Variants in IL21R observed in about 807,000 individuals in gnomAD.
IL21R encodes interleukin-21 receptor.
Under a neutral mutation model 41.3 loss-of-function variants are expected in IL21R, and 14 were observed. That is an observed-to-expected ratio of 0.34 (90% CI 0.22 to 0.53). The LOEUF (loss-of-function observed/expected upper bound fraction) is 0.53. Ranked by LOEUF, IL21R falls within the 20% of genes least tolerant of loss-of-function variation. IL21R has a pLI of 0.94. For synonymous variants in IL21R, 286 were observed against 287.6 expected, an observed-to-expected ratio of 0.99 and a Z score of 0.05; for missense variants, 588 against 681.6, an observed-to-expected ratio of 0.86 and a Z score of 1.53.
rs1203080644 is a variant in IL21R, at chr16:27,450,254, C to T, written c.*971C>T. 1.3e-5 allele frequency: 3 copies of T among 232,628 alleles called. No individual in the cohort carries two copies. Among genetic ancestry groups the T allele is most frequent in the African/African-American group, 2.2e-5 (1 of 45,310 alleles). 14.4% of individuals were successfully genotyped at this position (232,628 alleles called of 1,614,324 possible). A position where few individuals can be genotyped will look rare whatever the true frequency, so the allele number is the denominator to read the frequency against. The stretch of plus-strand genomic sequence containing the variant: ...CAACCAAGATTTCTTTTTCTAACTT[C>T]TGCTACTAAGTTTTTAAAAATTCCC... On this transcript the variant is annotated 3_prime_UTR_variant, in exon 9 of 9. Transcript: ENST00000337929.
intron 4 of IL21R, among the ~76,000 whole-genome samples, chr16:27,437,895 C>T (rs1367936629): frequency 1.3e-5 from 2 of 152,152 alleles, no homozygotes; most frequent in Non-Finnish European, 2.9e-5. Context: ...AACTCCTGGG[C>T]TCCAGCGATC....
chr16:27,405,743 G>T (rs540036410), intron 1 of IL21R, among the ~76,000 whole-genome samples: 144 of 152,254 alleles, frequency 9.5e-4, no homozygotes, highest in Non-Finnish European at 1.7e-3. Flanking sequence ...CCCTGCCCTG[G>T]CCCCAGGCCA....
At chr16:27,442,800 C>T in intron 4 of IL21R, 162 bp from the exon 5 acceptor site, 1 of 587,768 alleles carries the variant, frequency 1.7e-6, no homozygotes, top group Non-Finnish European at 3.0e-6. Context: ...GTTGGGAGTA[C>T]TTTGCCCAAA....
chr16:27,410,436 T>C (rs2086807810), intron 1 of IL21R, among the ~76,000 whole-genome samples: 1 of 152,226 alleles, frequency 6.6e-6, no homozygotes, highest in African/African-American at 2.4e-5. Context: ...TTCTTGACTG[T>C]TTGTAGTGTA....
At chr16:27,409,002 G>A (rs962444333) in intron 1 of IL21R, among the ~76,000 whole-genome samples, 4 of 151,964 alleles carry the variant, frequency 2.6e-5, no homozygotes, top group Admixed American at 2.0e-4. Flanking sequence ...TTTCTCTTTG[G>A]TTATATAACT....
Position 27,437,604 on chromosome 16 carries a change from C to CCGA in IL21R, c.274_276dup (p.Asp92dup). The CCGA allele has an allele frequency of 6.2e-7, 1 of 1,614,210 alleles. No individual in the cohort carries two copies. On this transcript the variant is annotated inframe_insertion, in exon 4 of 9. Transcript: ENST00000337929. The stretch of plus-strand genomic sequence containing the variant: ...CACATGGATGTATTCCACTTCATGG[C>CCGA]CGACGACATTTTCAGTGTCAACATC...
intron 1 of IL21R, among the ~76,000 whole-genome samples, chr16:27,415,977 T>G (rs2086890089): frequency 6.6e-6 from 1 of 152,234 alleles, no homozygotes; most frequent in Admixed American, 6.5e-5. Flanking sequence ...TGAAGTCCTC[T>G]TGTACAATTT....
intron 3 of IL21R, among the ~76,000 whole-genome samples, chr16:27,435,844 C>T (rs2087260219): frequency 6.6e-6 from 1 of 152,118 alleles, no homozygotes; most frequent in Non-Finnish European, 1.5e-5. Flanking sequence ...TCTCGGCTCA[C>T]TGCAACCTCC....
chr16:27,416,458 C>A (rs1243668675), intron 1 of IL21R, among the ~76,000 whole-genome samples: 1 of 152,100 alleles, frequency 6.6e-6, no homozygotes, highest in Non-Finnish European at 1.5e-5. Context: ...ATTTAGAGTA[C>A]TTTCTGTTGC....
In IL21R at chr16:27,437,707, A is replaced by G; in HGVS notation, c.352+20A>G. The G allele has an allele frequency of 6.2e-7, 1 of 1,605,850 alleles. No homozygotes were observed. The highest frequency in any genetic ancestry group is 8.5e-7 in the Non-Finnish European group (1 of 1,173,416). ...AGAGCAGTGAGTATCCTGGGACCCC[A>G]GGCTTAGGGTGGCACTCAATCTTAG... On this transcript the variant is annotated intron_variant, in intron 4 of 8. Coordinates refer to ENST00000337929, the MANE Select transcript of IL21R (RefSeq NM_181078.3).
chr16:27,449,288 G>A lies in IL21R; in HGVS notation c.*5G>A. On this transcript the variant is annotated 3_prime_UTR_variant, in exon 9 of 9. Coordinates refer to ENST00000337929, the MANE Select transcript of IL21R (RefSeq NM_181078.3). Reference sequence around the variant, plus strand: ...CCTGGACCCCAGGCCAGCTAATGAGGCTGACTGGATGTCCAGAGCTGGCCA... The same window carrying A: ...CCTGGACCCCAGGCCAGCTAATGAGACTGACTGGATGTCCAGAGCTGGCCA... 2 of 1,584,534 alleles carry A rather than the reference G, an allele frequency of 1.3e-6. No individual in the cohort carries two copies. Among genetic ancestry groups the A allele is most frequent in the Non-Finnish European group, 1.7e-6 (2 of 1,165,744 alleles).
At chr16:27,420,720 C>G (rs749400807) in intron 1 of IL21R, among the ~76,000 whole-genome samples, 2 of 152,176 alleles carry the variant, frequency 1.3e-5, no homozygotes, top group African/African-American at 4.8e-5. Flanking sequence ...TTAACAAATA[C>G]GTGATTTGCA....
intron 1 of IL21R, among the ~76,000 whole-genome samples, chr16:27,423,552 G>A (rs2087029934): frequency 6.6e-6 from 1 of 152,126 alleles, no homozygotes; most frequent in Non-Finnish European, 1.5e-5. Flanking sequence ...TATGATGGGT[G>A]TGCTTACCTA....
In IL21R at chr16:27,406,202, G is replaced by A. The variant is rs77287078; in HGVS notation, c.-17+3584G>A. The stretch of plus-strand genomic sequence containing the variant: ...GGGAACTGAGGGGAGAGAGACGGTG[G>A]GTGGCCAGCTCCGCTCCATCTCGTG... On this transcript the variant is annotated intron_variant, in intron 1 of 8. Coordinates refer to ENST00000337929, the MANE Select transcript of IL21R (RefSeq NM_181078.3). Among the ~76,000 whole-genome samples, 496 of 152,368 alleles carry A rather than the reference G, an allele frequency of 3.3e-3. 4 individuals carry two copies. The highest frequency in any genetic ancestry group is 0.011 in the African/African-American group (468 of 41,588).
Position 27,449,232 on chromosome 16 carries a change from G to A in IL21R, c.1566G>A (p.Gln522=), listed in dbSNP as rs1163108034. 2 of 1,611,984 alleles carry A rather than the reference G, an allele frequency of 1.2e-6. No homozygotes were observed. Among genetic ancestry groups the A allele is most frequent in the Non-Finnish European group, 1.7e-6 (2 of 1,179,562 alleles). The change falls in exon 9 of 9, where the codon CAG becomes CAA. Residue 522 remains glutamine (Q), a synonymous_variant. Coordinates refer to ENST00000337929, the MANE Select transcript of IL21R (RefSeq NM_181078.3). Reference sequence around the variant, plus strand: ...GACCCCCCCGGAGCTACCTCCGCCAGTGGGTGGTCATTCCTCCGCCACTTT... The same window carrying A: ...GACCCCCCCGGAGCTACCTCCGCCAATGGGTGGTCATTCCTCCGCCACTTT... ...DEGPPRSYLR[Q]WVVIPPPLSS...
intron 1 of IL21R, among the ~76,000 whole-genome samples, chr16:27,428,835 AG>A (rs751694754): frequency 6.6e-6 from 1 of 152,200 alleles, no homozygotes; most frequent in Non-Finnish European, 1.5e-5. Context: ...TTTGTGATGG[AG>A]TAAGGAGCCT....
At chr16:27,442,647 C>T in intron 4 of IL21R, 1 of 183,120 alleles carries the variant, frequency 5.5e-6, no homozygotes, top group Non-Finnish European at 1.1e-5. Context: ...CAGGCATGAG[C>T]CACTGCACCC....
At chr16:27,421,406 A>G (rs942918144) in intron 1 of IL21R, among the ~76,000 whole-genome samples, 4 of 150,328 alleles carry the variant, frequency 2.7e-5, no homozygotes, top group Non-Finnish European at 4.4e-5. Flanking sequence ...CTGTAGATCA[A>G]TTTGAGGCGT....
At chr16:27,413,606 T>C (rs1018418568) in intron 1 of IL21R, among the ~76,000 whole-genome samples, 1 of 150,982 alleles carries the variant, frequency 6.6e-6, no homozygotes, top group Non-Finnish European at 1.5e-5. Flanking sequence ...AGGTTTTCGA[T>C]TACTGATTCA....
Sources: gnomAD v4.1 joint callset for allele counts (sites outside exome capture counted in the v4.1 genomes callset) on GRCh38, gnomAD v4.1.1 for gene constraint, MANE v1.5 for transcripts, NCBI Gene and HGNC (gene_info 2026-07-23, HGNC 2026-07-21) for gene names.